The following RNF180 variants were observed in gnomAD, a reference collection of about 807,000 sequenced individuals.
The protein encoded by RNF180 is E3 ubiquitin-protein ligase RNF180.
Under a neutral mutation model 59.2 loss-of-function variants are expected in RNF180, and 38 were observed. The observed-to-expected ratio is 0.64, with a 90% CI of 0.50 to 0.84. The LOEUF (loss-of-function observed/expected upper bound fraction) is 0.84, where lower values mean the gene tolerates loss of function less well. Among genes scored for constraint, RNF180 ranks in the 40% least tolerant of loss-of-function variants. The pLI is 0.00. For missense variants in RNF180, 705 were observed against 700.9 expected (o/e 1.01, Z -0.07); for synonymous variants, 262 against 240.3 (o/e 1.09, Z -0.84).
At position 64,253,366 on chromosome 5, in the gene RNF180, T is replaced by C. The variant is rs562322197; in HGVS notation, c.1227+35970T>C. ...GAATTTTTCACATTGTTTATATCCC[T>C]CTTGTCATTTAACCATCACAACTAG... On this transcript the variant is annotated intron_variant, in intron 5 of 7. Coordinates refer to ENST00000389100, the MANE Select transcript of RNF180 (RefSeq NM_001113561.2). Among the ~76,000 whole-genome samples, 15 of 150,914 alleles carry C rather than the reference T, an allele frequency of 9.9e-5. 2 individuals carry two copies. The highest frequency in any genetic ancestry group is 3.7e-4 in the African/African-American group (15 of 40,274).
chr5:64,265,766 T>C (rs1744632039), intron 5 of RNF180, among the ~76,000 whole-genome samples: 1 of 152,056 alleles, frequency 6.6e-6, no homozygotes, highest in Non-Finnish European at 1.5e-5. Context: ...TGTGAAAAAA[T>C]GTCAGTGGTA....
At chr5:64,285,502 G>T (rs904485737) in intron 5 of RNF180, among the ~76,000 whole-genome samples, 1 of 152,140 alleles carries the variant, frequency 6.6e-6, no homozygotes. Flanking sequence ...GGAGTAGGTT[G>T]CAGTGGGGGT....
In RNF180 at chr5:64,258,389, T is replaced by C. The variant is rs75883093; in HGVS notation, c.1227+40993T>C. 3.9e-3 allele frequency among the ~76,000 whole-genome samples: 597 copies of C among 152,312 alleles called. 3 individuals are homozygous for C. Among genetic ancestry groups the C allele is most frequent in the Non-Finnish European group, 6.3e-3 (429 of 68,016 alleles). On this transcript the variant is annotated intron_variant, in intron 5 of 7. Coordinates refer to ENST00000389100, the MANE Select transcript of RNF180 (RefSeq NM_001113561.2). ...GGTGGATAAGGTCAGAGAAACTAGT[T>C]AGAAGTTATTCTGGTAAGAGAGGTT...
intron 5 of RNF180, among the ~76,000 whole-genome samples, chr5:64,220,522 G>T (rs2112149464): frequency 6.6e-6 from 1 of 152,068 alleles, no homozygotes; most frequent in South Asian, 2.1e-4. Flanking sequence ...TCAGGAAATT[G>T]CCAGTATATC....
chr5:64,359,409 G>GT (rs1471643819), intron 7 of RNF180, among the ~76,000 whole-genome samples: 2 of 151,928 alleles, frequency 1.3e-5, no homozygotes, highest in African/African-American at 2.4e-5. Context: ...TTTTTCATGT[G>GT]TTTTTTGGCT....
intron 4 of RNF180, among the ~76,000 whole-genome samples, chr5:64,215,758 A>C (rs575389483): frequency 6.6e-6 from 1 of 152,284 alleles, no homozygotes; most frequent in South Asian, 2.1e-4. Flanking sequence ...TATTTTCAAA[A>C]TGATTAATGT....
intron 5 of RNF180, among the ~76,000 whole-genome samples, chr5:64,256,881 G>A (rs1293710066): frequency 1.3e-5 from 2 of 152,260 alleles, no homozygotes; most frequent in African/African-American, 4.8e-5. Context: ...ATTTCGTTGA[G>A]CAGTGGTTTG....
chr5:64,216,741 G>A (rs1752650778), intron 4 of RNF180, among the ~76,000 whole-genome samples: 1 of 152,192 alleles, frequency 6.6e-6, no homozygotes, highest in Admixed American at 6.5e-5. Context: ...TTTAGCAAAA[G>A]TTAATTGAGC....
At chr5:64,171,849 C>A (rs73761474) in intron 1 of RNF180, among the ~76,000 whole-genome samples, 3 of 152,180 alleles carry the variant, frequency 2.0e-5, no homozygotes, top group African/African-American at 4.8e-5. Flanking sequence ...CCCGCCCCCC[C>A]ACCAATAACT....
intron 5 of RNF180, among the ~76,000 whole-genome samples, chr5:64,291,026 G>T (rs984033884): frequency 4.6e-5 from 7 of 152,144 alleles, no homozygotes; most frequent in African/African-American, 1.7e-4. Flanking sequence ...AGGCAGGCCT[G>T]GTGGTGACAA....
intron 5 of RNF180, among the ~76,000 whole-genome samples, chr5:64,232,088 CCTGT>C (rs923298582): frequency 4.7e-4 from 72 of 152,222 alleles, no homozygotes; most frequent in African/African-American, 1.6e-3. Context: ...CCAGACGTTT[CCTGT>C]CTATTAGATA....
chr5:64,312,390 T>G (rs1188726835), intron 5 of RNF180, among the ~76,000 whole-genome samples: 1 of 152,132 alleles, frequency 6.6e-6, no homozygotes, highest in Non-Finnish European at 1.5e-5. Context: ...TGCTGTATTG[T>G]CAGAGCCTGG....
chr5:64,188,694 C>T (rs1750988685), intron 1 of RNF180, among the ~76,000 whole-genome samples: 2 of 151,896 alleles, frequency 1.3e-5, no homozygotes, highest in Admixed American at 1.3e-4. Context: ...GGATTTTTAC[C>T]CTTTGAGAAA....
rs543765684 is a variant in RNF180 at position 64,183,050 on chromosome 5, A to G, written c.-1+17097A>G. Among the ~76,000 whole-genome samples the G allele has an allele frequency of 2.6e-5, 4 of 152,318 alleles. No homozygotes were observed. In the East Asian group the frequency reaches 5.8e-4, roughly 22 times the overall value. ...GAGGACAACCAATGATGTTTGTTGCATCCTCCATTTCAGTATGTGACCATC... is the reference window on the plus strand; with the variant it reads ...GAGGACAACCAATGATGTTTGTTGCGTCCTCCATTTCAGTATGTGACCATC... On this transcript the variant is annotated intron_variant, in intron 1 of 7. Transcript: ENST00000389100.
intron 7 of RNF180, among the ~76,000 whole-genome samples, chr5:64,360,109 G>C (rs186282295): frequency 3.2e-4 from 49 of 152,084 alleles, no homozygotes; most frequent in African/African-American, 1.1e-3. Context: ...GATTGACTTG[G>C]TTATGCGGGC....
intron 1 of RNF180, among the ~76,000 whole-genome samples, chr5:64,176,627 A>T (rs918293678): frequency 6.6e-6 from 1 of 152,164 alleles, no homozygotes; most frequent in African/African-American, 2.4e-5. Context: ...TTTAATCTTG[A>T]TAAATTTTTC....
At chr5:64,212,931 G>T (rs1752384738) in intron 3 of RNF180, among the ~76,000 whole-genome samples, 1 of 152,192 alleles carries the variant, frequency 6.6e-6, no homozygotes, top group Non-Finnish European at 1.5e-5. Flanking sequence ...CCAGTGCACT[G>T]TTTATAAGTG....
chr5:64,354,751 G>T (rs1251382245), intron 7 of RNF180, among the ~76,000 whole-genome samples: 1 of 151,732 alleles, frequency 6.6e-6, no homozygotes, highest in Non-Finnish European at 1.5e-5. Flanking sequence ...TACCAAATGG[G>T]ATTTATCTAG....
intron 5 of RNF180, among the ~76,000 whole-genome samples, chr5:64,278,755 G>C (rs1421262935): frequency 2.6e-5 from 4 of 152,090 alleles, no homozygotes; most frequent in African/African-American, 9.7e-5. Context: ...TGCCTGTGTG[G>C]CAAATCCACA....
Sources: gnomAD v4.1 joint callset for allele counts (sites outside exome capture counted in the v4.1 genomes callset) on GRCh38, gnomAD v4.1.1 for gene constraint, MANE v1.5 for transcripts, NCBI Gene and HGNC (gene_info 2026-07-23, HGNC 2026-07-21) for gene names.